Variants in JAG2 observed in about 807,000 individuals in gnomAD.
The protein encoded by JAG2 is protein jagged-2.
JAG2 carries 46 observed loss-of-function variants against 141.7 expected under a neutral mutation model. That is an observed-to-expected ratio of 0.32 (90% CI 0.26 to 0.42). The LOEUF is 0.42. Ranked by LOEUF, JAG2 falls within the 10% of genes least tolerant of loss-of-function variation. JAG2 has a pLI of 1.00. For synonymous variants in JAG2, 862 were observed against 763.5 expected (o/e 1.13, Z -2.13); for missense variants, 1,500 against 1,817.5 (o/e 0.83, Z 3.18).
chr14:105,168,249 C>G, intron 1 of JAG2, 106 bp downstream of exon 1: 1 of 761,748 alleles, frequency 1.3e-6, no homozygotes, highest in Non-Finnish European at 1.6e-6. Flanking sequence ...CGCGCAGCCT[C>G]GAGGGCTTCC....
At chr14:105,145,093 C>T (rs760249379) in intron 23 of JAG2, 32 bp from the exon 24 acceptor site, 1 of 1,607,242 alleles carries the variant, frequency 6.2e-7, no homozygotes, top group East Asian at 2.2e-5. Flanking sequence ...GTGGGCAGGG[C>T]AGGGCCGTGA....
rs1312142151 is a variant in JAG2 at position 105,150,735 on chromosome 14, C to T, written c.1471G>A (p.Gly491Arg). Reference sequence around the variant, plus strand: ...CGTTCCAGCTCGCAATGCCGGCCTCCGAAGCCCCGTGGGCACACACACTGG... The same window carrying T: ...CGTTCCAGCTCGCAATGCCGGCCTCTGAAGCCCCGTGGGCACACACACTGG... The part of the protein sequence containing the change: ...GYQCVCPRGF[G>R]GRHCELERDE... Residue 491 changes from glycine to arginine, a missense_variant, in exon 12 of 26, where the codon GGA becomes AGA. Coordinates refer to ENST00000331782, the MANE Select transcript of JAG2 (RefSeq NM_002226.5). 1.9e-5 allele frequency: 30 copies of T among 1,580,676 alleles called. No individual in the cohort carries two copies. The highest frequency in any genetic ancestry group is 2.7e-5 in the African/African-American group (2 of 74,222).
intron 9 of JAG2, 61 bp downstream of exon 9, chr14:105,151,222 A>AGCAGCCCCAGCAGCCCCC (rs1888417977): frequency 3.3e-6 from 5 of 1,515,358 alleles, no homozygotes; most frequent in Admixed American, 1.9e-5. Context: ...CCGCAGCCCC[A>AGCAGCCCCAGCAGCCCCC]GCAGCCCCCG....
At position 105,145,846 on chromosome 14, in the gene JAG2, C is replaced by G. The variant is rs1888206596; in HGVS notation, c.2837G>C (p.Trp946Ser). Residue 946 changes from tryptophan to serine, a missense_variant, in exon 23 of 26, where the codon TGG becomes TCG. This residue lies in a region of JAG2 where 425 missense variants were observed against 441.0 expected (regional missense o/e 0.96). Coordinates refer to ENST00000331782, the MANE Select transcript of JAG2 (RefSeq NM_002226.5). ...TGGCTCTTCTGCGCCGCACTCCCCCCAGGCCTCACAGGGTGGTCGCAGACA... is the reference window on the plus strand; with the variant it reads ...TGGCTCTTCTGCGCCGCACTCCCCCGAGGCCTCACAGGGTGGTCGCAGACA... ...GQCLRPPCEA[W>S]GECGAEEPPS... The G allele has an allele frequency of 6.4e-7, 1 of 1,561,472 alleles. No individual in the cohort carries two copies. Among genetic ancestry groups the G allele is most frequent in the Non-Finnish European group, 8.7e-7 (1 of 1,153,556 alleles).
chr14:105,159,114 C>T (rs1192030908), intron 2 of JAG2, among the ~76,000 whole-genome samples: 3 of 151,998 alleles, frequency 2.0e-5, no homozygotes. Flanking sequence ...CCAGCCCAGC[C>T]TCCAGGACCC....
chr14:105,142,767 C>A lies in JAG2; in HGVS notation c.3645G>T (p.Trp1215Cys). ...GGTTGTCCACTTTGGGGCCTGAGGC[C>A]CAGTGGGCCGGCCTCCCCGGCGAGC... is the stretch of plus-strand genomic sequence containing the variant. Reference protein sequence around the residue: ...PGRSPGRPAHWASGPKVDNRA... With the variant: ...PGRSPGRPAHCASGPKVDNRA... The change falls in exon 26 of 26, where the codon TGG becomes TGT. Residue 1215 changes from tryptophan (W) to cysteine (C), a missense_variant. Trp to Cys is a radical substitution (Grantham distance 215, BLOSUM62 -2). Coordinates refer to ENST00000331782, the MANE Select transcript of JAG2 (RefSeq NM_002226.5). 6.2e-7 allele frequency: 1 copy of A among 1,610,718 alleles called. No individual in the cohort carries two copies. Among genetic ancestry groups the A allele is most frequent in the Non-Finnish European group, 8.5e-7 (1 of 1,179,040 alleles).
chr14:105,145,037 A>G lies in JAG2; in HGVS notation c.2977T>C (p.Ser993Pro), dbSNP rs750015398. 6.2e-7 allele frequency: 1 copy of G among 1,609,962 alleles called. No homozygotes were observed. Among genetic ancestry groups the G allele is most frequent in the Admixed American group, 1.7e-5 (1 of 59,988 alleles). ...GTGGCTGGCAGGGAGCGGATCCCGG[A>G]GCAAATGGCGCCCACCGTGGTGCCC... is the stretch of plus-strand genomic sequence containing the variant. ...PQGTTVGAIC[S>P]GIRSLPATRA... The change falls in exon 24 of 26, where the codon TCC becomes CCC. Residue 993 changes from serine to proline, a missense_variant. Ser to Pro is a moderately conservative substitution (Grantham distance 74). This residue lies in a region of JAG2 where 425 missense variants were observed against 441.0 expected (regional missense o/e 0.96). Coordinates refer to ENST00000331782, the MANE Select transcript of JAG2 (RefSeq NM_002226.5).
At chr14:105,160,234 A>C (rs1595186935) in intron 2 of JAG2, among the ~76,000 whole-genome samples, 3 of 55,820 alleles carry the variant, frequency 5.4e-5, no homozygotes, top group Non-Finnish European at 3.4e-5. Context: ...CTCCATCCAC[A>C]CCCCCACCAG....
rs1888949957 is a variant in JAG2 at position 105,167,404 on chromosome 14, CG to C, written c.417+352del. ...CCTAGACCAGCCCCAGCACGCGCTG[CG>C]CACATGCCACCGCGGCCTGCCCGGG... On this transcript the variant is annotated intron_variant, in intron 2 of 25. Transcript: ENST00000331782. This position sits in a 1 kb window ranked among gnomAD's most constrained non-coding sequence, Gnocchi z 4.8. Among the ~76,000 whole-genome samples the C allele has an allele frequency of 1.3e-5, 2 of 152,024 alleles. No individual in the cohort carries two copies. Among genetic ancestry groups the C allele is most frequent in the African/African-American group, 4.8e-5 (2 of 41,426 alleles).
Position 105,151,944 on chromosome 14 carries a change from C to T in JAG2, c.1033G>A (p.Glu345Lys). ...TGGCCAGCCCCCCACGTACCCTTCT[C>T]ACAGTTCCTGCCCGAGTAGCCGTCA... ...CPDGYSGRNC[E>K]KAEHACTSNP... Residue 345 changes from glutamate to lysine, a missense_variant, in exon 7 of 26, where the codon GAG becomes AAG. Physicochemically the swap from Glu to Lys is moderately conservative, Grantham distance 56. Coordinates refer to ENST00000331782, the MANE Select transcript of JAG2 (RefSeq NM_002226.5). 6.2e-7 allele frequency: 1 copy of T among 1,613,092 alleles called. No individual in the cohort carries two copies. Among genetic ancestry groups the T allele is most frequent in the Non-Finnish European group, 8.5e-7 (1 of 1,180,008 alleles).
intron 2 of JAG2, among the ~76,000 whole-genome samples, chr14:105,163,585 G>T (rs1402981211): frequency 7.2e-6 from 1 of 139,556 alleles, no homozygotes; most frequent in South Asian, 2.1e-4. Context: ...CTCCGCTCAG[G>T]CCTGTGGTCT....
At position 105,146,551 on chromosome 14, in the gene JAG2, G is replaced by C. The variant is rs186446999; in HGVS notation, c.2594-51C>G. On this transcript the variant is annotated intron_variant, in intron 21 of 25. Coordinates refer to ENST00000331782, the MANE Select transcript of JAG2 (RefSeq NM_002226.5). ...CAGCAGTGGGCATCTGGCCCTCGGG[G>C]CTGGGTGTCACCCATGCCCCCCAAC... 8 of 1,604,202 alleles carry C rather than the reference G, an allele frequency of 5.0e-6. No individual in the cohort carries two copies. The African/African-American group carries it at 8.0e-5, about 16-fold the overall frequency.
intron 5 of JAG2, among the ~76,000 whole-genome samples, chr14:105,153,978 G>A (rs1249968045): frequency 6.6e-6 from 1 of 152,166 alleles, no homozygotes; most frequent in African/African-American, 2.4e-5. Context: ...AGCTGACTTG[G>A]GACTCGCTCA....
intron 2 of JAG2, among the ~76,000 whole-genome samples, chr14:105,161,136 T>TGAGTGAGGTCTGTTGGGGGTCC (rs1888735833): frequency 7.9e-6 from 1 of 126,216 alleles, no homozygotes; most frequent in East Asian, 2.3e-4. Flanking sequence ...GTTGGGGGTC[T>TGAGTGAGGTCTGTTGGGGGTCC]GAGTGAGGTC....
chr14:105,147,383 C>T lies in JAG2; in HGVS notation c.2422G>A (p.Val808Ile), dbSNP rs757478096. ...GCACACTCGCAGCGGAACCAGTTGA[C>T]GCCGTCAACACAGATGCCACCATTG... ...CYNGGICVDG[V>I]NWFRCECAPG... Residue 808 changes from valine to isoleucine, a missense_variant, in exon 20 of 26, where the codon GTC becomes ATC. Transcript: ENST00000331782. The T allele has an allele frequency of 1.4e-5, 23 of 1,600,280 alleles. No homozygotes were observed. The African/African-American group carries it at 1.6e-4, about 11-fold the overall frequency.
rs762920437 is a variant in JAG2, at chr14:105,143,033, G to T, written c.3379C>A (p.Gln1127Lys). ...RLPREESANNQWAPLNPIRNP... is the reference protein window; with the variant it reads ...RLPREESANNKWAPLNPIRNP... ...CGGATGGGGTTGAGCGGGGCCCACTGGTTGTTGGCGCTCTCCTCCCGCGGC... is the reference window on the plus strand; with the variant it reads ...CGGATGGGGTTGAGCGGGGCCCACTTGTTGTTGGCGCTCTCCTCCCGCGGC... Residue 1127 changes from glutamine (Q) to lysine (K), a missense_variant, in exon 26 of 26, where the codon CAG becomes AAG. Gln to Lys is a moderately conservative substitution (Grantham distance 53). Coordinates refer to ENST00000331782, the MANE Select transcript of JAG2 (RefSeq NM_002226.5). The T allele has an allele frequency of 6.2e-6, 10 of 1,605,138 alleles. No homozygotes were observed. Among genetic ancestry groups the T allele is most frequent in the Non-Finnish European group, 8.5e-6 (10 of 1,179,682 alleles).
Position 105,167,847 on chromosome 14 carries a change from G to C in JAG2, c.327C>G (p.Gly109=). Residue 109 remains glycine (G), a synonymous_variant, in exon 2 of 26, where the codon GGC becomes GGG. Transcript: ENST00000331782. This position sits in a 1 kb window ranked among gnomAD's most constrained non-coding sequence, Gnocchi z 4.8. The part of the protein sequence containing the change: ...GGNSFYLPPA[G]AAGDRARARA... The stretch of plus-strand genomic sequence containing the variant: ...GCGCCCGCGCTCGGTCCCCCGCAGC[G>C]CCCGCCGGCGGCAGGTAGAAGGAGT... 4.6e-6 allele frequency: 7 copies of C among 1,520,740 alleles called. No individual in the cohort carries two copies. Among genetic ancestry groups the C allele is most frequent in the Non-Finnish European group, 6.1e-6 (7 of 1,142,868 alleles). 94.2% of individuals were successfully genotyped at this position (1,520,740 alleles called of 1,614,324 possible).
At chr14:105,162,305 C>T (rs587756185) in intron 2 of JAG2, among the ~76,000 whole-genome samples, 2 of 152,170 alleles carry the variant, frequency 1.3e-5, no homozygotes, top group African/African-American at 4.8e-5. Context: ...ACAAGCAGAC[C>T]CGCAGCCCAA....
At chr14:105,159,330 C>T (rs965665532) in intron 2 of JAG2, among the ~76,000 whole-genome samples, 4 of 152,130 alleles carry the variant, frequency 2.6e-5, no homozygotes, top group Non-Finnish European at 5.9e-5. Flanking sequence ...ATCCCCAACC[C>T]GCTCCTAGAA....
Sources: gnomAD v4.1 joint callset for allele counts (sites outside exome capture counted in the v4.1 genomes callset) on GRCh38, gnomAD v4.1.1 for gene constraint, gnomAD v4.1.1 regional missense constraint, Gnocchi (gnomAD v3.1) non-coding constraint, MANE v1.5 for transcripts, NCBI Gene and HGNC (gene_info 2026-07-23, HGNC 2026-07-21) for gene names.